CDH18: variants seen among roughly 807,000 people sequenced by gnomAD.
CDH18 encodes the protein cadherin 18.
A neutral mutation model predicts 67.9 loss-of-function variants in CDH18; 31 were observed. That is an observed-to-expected ratio of 0.46 (90% confidence interval 0.34 to 0.62). The LOEUF is 0.62. Ranked by LOEUF, CDH18 falls within the 20% of genes least tolerant of loss-of-function variation. The pLI is 0.01. For missense variants in CDH18, 890 were observed against 975.5 expected, an observed-to-expected ratio of 0.91 and a Z score of 1.17; for synonymous variants, 362 against 347.2, an observed-to-expected ratio of 1.04 and a Z score of -0.48.
chr5:19,894,117 C>T (rs1213237879), intron 2 of CDH18, among the ~76,000 whole-genome samples: 1 of 151,980 alleles, frequency 6.6e-6, no homozygotes, highest in Non-Finnish European at 1.5e-5. Flanking sequence ...TCCATAATTT[C>T]TAATAACCCT....
chr5:20,003,616 C>T lies in CDH18; in HGVS notation c.-517-11602G>A, dbSNP rs544941354. 2.2e-4 allele frequency among the ~76,000 whole-genome samples: 34 copies of T among 152,180 alleles called. No individual in the cohort carries two copies. The South Asian group carries it at 6.0e-3, about 27-fold the overall frequency. On this transcript the variant is annotated intron_variant, in intron 2 of 14. Coordinates refer to the CDH18 transcript ENST00000507958. ...TATTTATAAAATAGACATAATAGGC[C>T]GGTCGCGGTGGCTCAAGCCTGTAAT...
chr5:19,690,005 A>G (rs1309872972), intron 5 of CDH18, among the ~76,000 whole-genome samples: 2 of 151,548 alleles, frequency 1.3e-5, no homozygotes, highest in Non-Finnish European at 3.0e-5. Flanking sequence ...ACACAGTAAA[A>G]AGAGAAAAAG....
At chr5:19,876,957 A>G (rs1007988114) in intron 2 of CDH18, among the ~76,000 whole-genome samples, 4 of 152,106 alleles carry the variant, frequency 2.6e-5, no homozygotes, top group African/African-American at 7.2e-5. Context: ...CTTGTGATCA[A>G]TCCTCCATTT....
chr5:19,928,186 A>C (rs1470884356), intron 2 of CDH18, among the ~76,000 whole-genome samples: 1 of 152,178 alleles, frequency 6.6e-6, no homozygotes, highest in Admixed American at 6.6e-5. Context: ...CTGCAGTCCA[A>C]AGACACTTAG....
chr5:20,064,785 G>T (rs1742826012), intron 2 of CDH18, among the ~76,000 whole-genome samples: 1 of 152,030 alleles, frequency 6.6e-6, no homozygotes, highest in South Asian at 2.1e-4. Context: ...CACTGAACAT[G>T]CTCAGCTTAC....
At chr5:19,601,824 C>T (rs552297307) in intron 6 of CDH18, among the ~76,000 whole-genome samples, 2 of 151,694 alleles carry the variant, frequency 1.3e-5, no homozygotes, top group Admixed American at 6.6e-5. Flanking sequence ...TTTTCATTTC[C>T]ATTAACAGAA....
intron 9 of CDH18, among the ~76,000 whole-genome samples, chr5:19,530,296 T>C (rs1461651345): frequency 6.6e-6 from 1 of 151,932 alleles, no homozygotes; most frequent in Non-Finnish European, 1.5e-5. Context: ...ACCATAGATA[T>C]AAATATAAAA....
chr5:19,884,940 A>T (rs1579424633), intron 2 of CDH18, among the ~76,000 whole-genome samples: 2 of 152,306 alleles, frequency 1.3e-5, no homozygotes. Flanking sequence ...AATGGATTAT[A>T]ATTAATTTTT....
rs1595130 is a variant in CDH18, at chr5:20,021,019, A to G, written c.-517-29005T>C. On this transcript the variant is annotated intron_variant, in intron 2 of 14. Coordinates refer to the CDH18 transcript ENST00000507958. ...AAGGTTCTCAAGGCCTTGGGACCCA[A>G]CCCCTTATCTCGGTGTTGCCTGGAT... is the stretch of plus-strand genomic sequence containing the variant. 0.018 allele frequency among the ~76,000 whole-genome samples: 2,710 copies of G among 149,824 alleles called. 176 individuals are homozygous for G. In the East Asian group the frequency reaches 0.25, roughly 14 times the overall value.
intron 2 of CDH18, among the ~76,000 whole-genome samples, chr5:20,067,188 T>C (rs1052035111): frequency 6.6e-6 from 1 of 151,842 alleles, no homozygotes; most frequent in Non-Finnish European, 1.5e-5. Context: ...ACTTGAGCGT[T>C]GAGTATATTG....
At chr5:20,098,719 C>T (rs192307508) in intron 2 of CDH18, among the ~76,000 whole-genome samples, 1 of 151,932 alleles carries the variant, frequency 6.6e-6, no homozygotes, top group Non-Finnish European at 1.5e-5. Flanking sequence ...AATAGAGAAA[C>T]CCTTGTTTAA....
chr5:19,720,205 T>C (rs1002626439), intron 5 of CDH18, among the ~76,000 whole-genome samples: 7 of 152,180 alleles, frequency 4.6e-5, no homozygotes, highest in Admixed American at 1.3e-4. Flanking sequence ...TGTAGACTTA[T>C]GGAACAAGGT....
intron 3 of CDH18, among the ~76,000 whole-genome samples, chr5:19,815,229 G>A (rs1351357123): frequency 2.6e-5 from 4 of 151,844 alleles, no homozygotes; most frequent in Admixed American, 2.0e-4. Flanking sequence ...ATATATTCAC[G>A]TAGAATTGTG....
At chr5:19,902,044 CAT>C (rs1231876424) in intron 2 of CDH18, among the ~76,000 whole-genome samples, 1 of 152,090 alleles carries the variant, frequency 6.6e-6, no homozygotes, top group Non-Finnish European at 1.5e-5. Flanking sequence ...CATTAAATCA[CAT>C]GTTAATTCAT....
At chr5:19,679,145 T>C (rs542160821) in intron 5 of CDH18, among the ~76,000 whole-genome samples, 142 of 152,056 alleles carry the variant, frequency 9.3e-4, no homozygotes, top group African/African-American at 3.3e-3. Context: ...TGGTTCAACA[T>C]ATCAATACAA....
At chr5:20,515,657 C>G (rs1755324266) in intron 1 of CDH18, among the ~76,000 whole-genome samples, 1 of 152,058 alleles carries the variant, frequency 6.6e-6, no homozygotes, top group Non-Finnish European at 1.5e-5. Context: ...AGTTAGCCAA[C>G]AGTGTATTGT....
At chr5:20,027,096 CT>C (rs1188904249) in intron 2 of CDH18, among the ~76,000 whole-genome samples, 8 of 151,188 alleles carry the variant, frequency 5.3e-5, no homozygotes, top group African/African-American at 1.9e-4. Context: ...TACTAATTAC[CT>C]TGTTGCTTTT....
At chr5:19,638,762 C>T (rs1753536563) in intron 5 of CDH18, among the ~76,000 whole-genome samples, 2 of 151,734 alleles carry the variant, frequency 1.3e-5, no homozygotes, top group African/African-American at 4.8e-5. Context: ...AGAAAAAAGA[C>T]TAATTATATT....
At chr5:20,475,833 A>G (rs1272619573) in intron 1 of CDH18, among the ~76,000 whole-genome samples, 2 of 152,200 alleles carry the variant, frequency 1.3e-5, no homozygotes, top group East Asian at 3.9e-4. Flanking sequence ...TCAAAGAGAA[A>G]GATACTTAAT....
Sources: allele counts gnomAD v4.1 joint callset (sites outside exome capture counted in the v4.1 genomes callset), GRCh38; gene constraint gnomAD v4.1.1; transcripts MANE v1.5; gene names NCBI Gene and HGNC (gene_info 2026-07-23, HGNC 2026-07-21).